Variants in ZMYND19 observed in about 807,000 individuals in gnomAD.
The protein encoded by ZMYND19 is zinc finger MYND domain-containing protein 19.
In ZMYND19, 17 loss-of-function variants were observed where a neutral mutation model predicts 32.0. The ratio of observed to expected loss-of-function variants is 0.53; its 90% CI spans 0.36 to 0.80. The LOEUF (loss-of-function observed/expected upper bound fraction) is 0.80. ZMYND19 is among the 30% of genes least tolerant of loss of function. ZMYND19 has a pLI of 0.00. For synonymous variants in ZMYND19, 124 were observed against 113.6 expected (o/e 1.09, Z -0.58); for missense variants, 250 against 293.6 (o/e 0.85, Z 1.09).
chr9:137,589,937 G>A (rs1421384269), intron 1 of ZMYND19: 1 of 985,248 alleles, frequency 1.0e-6, no homozygotes, highest in Non-Finnish European at 1.2e-6. Context: ...TCCGCACCCG[G>A]CTCGGGACAG....
intron 4 of ZMYND19, among the ~76,000 whole-genome samples, chr9:137,585,414 CAAA>C (rs143309893): frequency 8.7e-4 from 74 of 84,624 alleles, no homozygotes; most frequent in Middle Eastern, 0.013. Flanking sequence ...GACTCCGTCT[CAAA>C]AAAAAAAAAA....
rs187686121 is a variant in ZMYND19, at chr9:137,583,206, G to A, written c.360-43C>T. ...ACACTTGAGTGCACTCTGGCCAAAC[G>A]GGGCCAGCACACAGCAGACGATGCA... is the stretch of plus-strand genomic sequence containing the variant. On this transcript the variant is annotated intron_variant, in intron 4 of 5. Transcript: ENST00000298585. 38 of 1,600,846 alleles carry A rather than the reference G, an allele frequency of 2.4e-5. No homozygotes were observed. The Middle Eastern group carries it at 6.6e-4, about 28-fold the overall frequency.
At position 137,582,751 on chromosome 9, in the gene ZMYND19, G is replaced by A. The variant is rs913595; in HGVS notation, c.541-65C>T. 4,338 of 1,579,906 alleles carry A rather than the reference G, an allele frequency of 2.7e-3. 86 individuals are homozygous for A. In the African/African-American group the frequency reaches 0.049, roughly 18 times the overall value. ...GGACGCAGTGTGGGGCAAAGGCTGC[G>A]TCTTACGGACAATCTGACGGACCCA... On this transcript the variant is annotated intron_variant, in intron 5 of 5. Transcript: ENST00000298585.
Position 137,582,692 on chromosome 9 carries a change from A to G in ZMYND19, c.541-6T>C. ...CAGATGTTGAACTCCCGGAGCTGAAATACAGAACACCTGTGGCTTCACCAT... is the reference window on the plus strand; with the variant it reads ...CAGATGTTGAACTCCCGGAGCTGAAGTACAGAACACCTGTGGCTTCACCAT... On this transcript the variant is annotated splice_polypyrimidine_tract_variant and splice_region_variant and intron_variant, in intron 5 of 5. Coordinates refer to ENST00000298585, the MANE Select transcript of ZMYND19 (RefSeq NM_138462.3). 2 of 1,612,342 alleles carry G rather than the reference A, an allele frequency of 1.2e-6. No homozygotes were observed. Among genetic ancestry groups the G allele is most frequent in the Non-Finnish European group, 1.7e-6 (2 of 1,179,780 alleles).
chr9:137,582,958 C>A, intron 5 of ZMYND19, 25 bp downstream of exon 5: 1 of 1,610,786 alleles, frequency 6.2e-7, no homozygotes, highest in Non-Finnish European at 8.5e-7. Flanking sequence ...GTGCCAGGGA[C>A]GCGACCGCAC....
chr9:137,585,656 G>A (rs978185711), intron 4 of ZMYND19, among the ~76,000 whole-genome samples: 3 of 152,200 alleles, frequency 2.0e-5, no homozygotes, highest in Non-Finnish European at 4.4e-5. Context: ...CTCCAGGGTG[G>A]CAGGAACAGC....
intron 4 of ZMYND19, among the ~76,000 whole-genome samples, chr9:137,585,507 T>C (rs1564490517): frequency 6.6e-6 from 1 of 150,686 alleles, no homozygotes; most frequent in Non-Finnish European, 1.5e-5. Flanking sequence ...GACCCATCCG[T>C]AAAATTAATT....
chr9:137,590,401 G>A lies in ZMYND19; in HGVS notation c.-138C>T, dbSNP rs1020808290. On this transcript the variant is annotated 5_prime_UTR_variant, in exon 1 of 6. Coordinates refer to ENST00000298585, the MANE Select transcript of ZMYND19 (RefSeq NM_138462.3). This position sits in a 1 kb window ranked among gnomAD's most constrained non-coding sequence, Gnocchi z 4.2. ...GTAGCAGCCAGGCGGGCTCCGGGCG[G>A]GACGAGGCTGGGCCGGGCTCGGGCC... 2 of 454,782 alleles carry A rather than the reference G, an allele frequency of 4.4e-6. No individual in the cohort carries two copies. Among genetic ancestry groups the A allele is most frequent in the Non-Finnish European group, 5.8e-6 (2 of 346,802 alleles). 28.2% of individuals were successfully genotyped at this position (454,782 alleles called of 1,614,324 possible).
At chr9:137,587,899 C>A (rs1037206659) in intron 2 of ZMYND19, 76 bp from the exon 3 acceptor site, 162 of 1,448,732 alleles carry the variant, frequency 1.1e-4, no homozygotes, top group Middle Eastern at 1.7e-4. Context: ...CTTAGAAAAA[C>A]CAAGTGAAAC....
intron 4 of ZMYND19, 56 bp downstream of exon 4, chr9:137,586,911 G>A (rs1302021181): frequency 1.0e-5 from 16 of 1,604,446 alleles, no homozygotes; most frequent in African/African-American, 2.7e-5. Context: ...AGCTTTGGCG[G>A]TGGCCCTCCT....
At chr9:137,584,064 C>G (rs1452115228) in intron 4 of ZMYND19, among the ~76,000 whole-genome samples, 1 of 152,232 alleles carries the variant, frequency 6.6e-6, no homozygotes, top group Admixed American at 6.5e-5. Flanking sequence ...AGCTGGATCA[C>G]AGGAGGCCAC....
At chr9:137,588,498 G>A (rs1335701162) in intron 2 of ZMYND19, among the ~76,000 whole-genome samples, 161 bp downstream of exon 2, 4 of 152,246 alleles carry the variant, frequency 2.6e-5, no homozygotes, top group African/African-American at 4.8e-5. Context: ...GCAGGGCCAC[G>A]GCTCGAAGTG....
Position 137,582,385 on chromosome 9 carries a change from G to A in ZMYND19, c.*158C>T. Reference sequence around the variant, plus strand: ...CTGGAGATGAACACTGAGGGGCGCTGTAACCACACAGACTGCCTGTGACAT... The same window carrying A: ...CTGGAGATGAACACTGAGGGGCGCTATAACCACACAGACTGCCTGTGACAT... On this transcript the variant is annotated 3_prime_UTR_variant, in exon 6 of 6. Coordinates refer to ENST00000298585, the MANE Select transcript of ZMYND19 (RefSeq NM_138462.3). 4 of 1,045,492 alleles carry A rather than the reference G, an allele frequency of 3.8e-6. No individual in the cohort carries two copies. The highest frequency in any genetic ancestry group is 5.4e-6 in the Non-Finnish European group (4 of 739,038). The allele number at this position is 1,045,492 out of a possible 1,614,324, so 64.8% of individuals were successfully genotyped here.
At chr9:137,589,978 G>C in intron 1 of ZMYND19, 1 of 985,276 alleles carries the variant, frequency 1.0e-6, no homozygotes, top group Non-Finnish European at 1.2e-6. Flanking sequence ...GCAGGGCAGG[G>C]CCGAGGGTGG....
chr9:137,585,815 A>G (rs1456608845), intron 4 of ZMYND19, among the ~76,000 whole-genome samples: 1 of 152,246 alleles, frequency 6.6e-6, no homozygotes, highest in Non-Finnish European at 1.5e-5. Flanking sequence ...ACAGCCACCA[A>G]CCATCACCAA....
intron 1 of ZMYND19, 198 bp from the exon 2 acceptor site, chr9:137,588,916 A>C: frequency 1.7e-6 from 1 of 575,486 alleles, no homozygotes; most frequent in Non-Finnish European, 3.1e-6. Flanking sequence ...ACGACAAAAC[A>C]CAGGCAGACA....
At chr9:137,589,615 G>C (rs983237962) in intron 1 of ZMYND19, 2 of 985,368 alleles carry the variant, frequency 2.0e-6, no homozygotes, top group Admixed American at 6.1e-5. Flanking sequence ...GAGAAGTCGA[G>C]GAAGGCCCTG....
Position 137,582,703 on chromosome 9 carries a change from C to G in ZMYND19, c.541-17G>C. ...CTCCCGGAGCTGAAATACAGAACACCTGTGGCTTCACCATCATGCCTGGGA... is the reference window on the plus strand; with the variant it reads ...CTCCCGGAGCTGAAATACAGAACACGTGTGGCTTCACCATCATGCCTGGGA... On this transcript the variant is annotated splice_polypyrimidine_tract_variant and intron_variant, in intron 5 of 5. Transcript: ENST00000298585. 6.2e-7 allele frequency: 1 copy of G among 1,610,204 alleles called. No homozygotes were observed. The highest frequency in any genetic ancestry group is 8.5e-7 in the Non-Finnish European group (1 of 1,178,706).
chr9:137,583,255 G>A lies in ZMYND19; in HGVS notation c.360-92C>T, dbSNP rs1013256147. Reference sequence around the variant, plus strand: ...CAATGACTCCATAGAGTGCCATCCTGCCCAGGACACCCAGCCCGAGTTTGA... The same window carrying A: ...CAATGACTCCATAGAGTGCCATCCTACCCAGGACACCCAGCCCGAGTTTGA... On this transcript the variant is annotated intron_variant, in intron 4 of 5. Transcript: ENST00000298585. The A allele has an allele frequency of 7.7e-6, 11 of 1,422,330 alleles. No homozygotes were observed. The African/African-American group carries it at 9.9e-5, about 13-fold the overall frequency. 88.1% of individuals were successfully genotyped at this position (1,422,330 alleles called of 1,614,324 possible). A position where few individuals can be genotyped will look rare whatever the true frequency, so the allele number is the denominator to read the frequency against.
Sources: gnomAD v4.1 joint callset for allele counts (sites outside exome capture counted in the v4.1 genomes callset) on GRCh38, gnomAD v4.1.1 for gene constraint, Gnocchi (gnomAD v3.1) non-coding constraint, MANE v1.5 for transcripts, NCBI Gene and HGNC (gene_info 2026-07-23, HGNC 2026-07-21) for gene names.